Variants in PARP1 observed in about 807,000 individuals in gnomAD.
The protein encoded by PARP1 is poly [ADP-ribose] polymerase 1.
PARP1 carries 44 observed loss-of-function variants against 118.7 expected under a neutral mutation model. That is an observed-to-expected ratio of 0.37 (90% confidence interval 0.29 to 0.48). The LOEUF (loss-of-function observed/expected upper bound fraction) is 0.48, where lower values mean the gene tolerates loss of function less well. Ranked by LOEUF, PARP1 falls within the 20% of genes least tolerant of loss-of-function variation. The probability of loss-of-function intolerance (pLI) is 0.99; values close to 1 mark genes in which losing one functional copy is unlikely to be tolerated. For synonymous variants in PARP1, 492 were observed against 483.2 expected (o/e 1.02, Z -0.24); for missense variants, 1,100 against 1,272.4 (o/e 0.86, Z 2.06).
intron 8 of PARP1, among the ~76,000 whole-genome samples, chr1:226,382,037 C>T (rs1299952534): frequency 6.6e-6 from 1 of 152,176 alleles, no homozygotes; most frequent in Non-Finnish European, 1.5e-5. Flanking sequence ...GGCACCTGGA[C>T]CCAGGCTGCC....
chr1:226,401,893 G>C (rs1271072895), intron 2 of PARP1: 13 of 1,117,486 alleles, frequency 1.2e-5, no homozygotes, highest in Non-Finnish European at 1.6e-5. Context: ...GGAAGAGCCT[G>C]TGTGGTGGGA....
chr1:226,407,474 T>C (rs966630415), intron 1 of PARP1, among the ~76,000 whole-genome samples: 2 of 151,448 alleles, frequency 1.3e-5, no homozygotes, highest in East Asian at 1.9e-4. Context: ...AAAGAGACCA[T>C]GTACAATTCC....
intron 7 of PARP1, among the ~76,000 whole-genome samples, chr1:226,384,275 T>C (rs1293339973): frequency 2.6e-5 from 4 of 151,858 alleles, no homozygotes; most frequent in South Asian, 2.1e-4. Flanking sequence ...GAGAGGGGTA[T>C]GTGAGAAGGA....
chr1:226,377,642 G>A (rs1436663086), intron 12 of PARP1, among the ~76,000 whole-genome samples: 1 of 152,176 alleles, frequency 6.6e-6, no homozygotes, highest in Non-Finnish European at 1.5e-5. Flanking sequence ...CTATCTGGAA[G>A]TCATGTGTTC....
chr1:226,361,582 G>C (rs1337517249), intron 22 of PARP1, 41 bp from the exon 23 acceptor site: 1 of 1,394,390 alleles, frequency 7.2e-7, no homozygotes, highest in South Asian at 1.2e-5. Context: ...CCATACAACA[G>C]AGGGTATGTA....
chr1:226,384,365 G>A (rs78615666), intron 7 of PARP1, among the ~76,000 whole-genome samples: 5 of 152,392 alleles, frequency 3.3e-5, no homozygotes, highest in African/African-American at 1.2e-4. Flanking sequence ...CTACAGAGCT[G>A]GCCTTGATTC....
chr1:226,382,754 G>A (rs1282207798), intron 8 of PARP1, among the ~76,000 whole-genome samples: 3 of 152,194 alleles, frequency 2.0e-5, no homozygotes, highest in Non-Finnish European at 4.4e-5. Flanking sequence ...CCTGGCCTCA[G>A]CAATTCTTTT....
chr1:226,397,953 C>A (rs1187573987), intron 2 of PARP1, among the ~76,000 whole-genome samples: 3 of 150,540 alleles, frequency 2.0e-5, no homozygotes, highest in Non-Finnish European at 4.4e-5. Context: ...AACTGGACAT[C>A]CACATGCGAA....
chr1:226,395,391 A>G (rs1475575358), intron 2 of PARP1, among the ~76,000 whole-genome samples: 1 of 152,218 alleles, frequency 6.6e-6, no homozygotes, highest in East Asian at 1.9e-4. Flanking sequence ...AATACCATTC[A>G]TAATAGCCAA....
chr1:226,396,732 CA>C (rs1321381908), intron 2 of PARP1, among the ~76,000 whole-genome samples: 2 of 151,962 alleles, frequency 1.3e-5, no homozygotes, highest in African/African-American at 4.8e-5. Flanking sequence ...TATAAAATTA[CA>C]CTTAGGTCAG....
chr1:226,402,271 G>C lies in PARP1; in HGVS notation c.229C>G (p.Leu77Val). 1 of 1,614,164 alleles carries C rather than the reference G, an allele frequency of 6.2e-7. No individual in the cohort carries two copies. The highest frequency in any genetic ancestry group is 8.5e-7 in the Non-Finnish European group (1 of 1,180,044). ...PDVEVDGFSELRWDDQQKVKK... is the reference protein window; with the variant it reads ...PDVEVDGFSEVRWDDQQKVKK... ...ACTTTCTGCTGGTCATCCCACCGAAGCTCAGAGAACCCATCCACCTCAACG... is the reference window on the plus strand; with the variant it reads ...ACTTTCTGCTGGTCATCCCACCGAACCTCAGAGAACCCATCCACCTCAACG... Residue 77 changes from leucine (L) to valine (V), a missense_variant, in exon 2 of 23, where the codon CTT becomes GTT. By Grantham distance (32) the Leu-to-Val change is conservative. Coordinates refer to ENST00000366794, the MANE Select transcript of PARP1 (RefSeq NM_001618.4).
chr1:226,403,977 G>A (rs975327905), intron 1 of PARP1, among the ~76,000 whole-genome samples: 2 of 152,188 alleles, frequency 1.3e-5, no homozygotes, highest in Non-Finnish European at 2.9e-5. Context: ...TGGATGTGAT[G>A]TATTAAAATG....
At chr1:226,378,865 C>T (rs536071608) in intron 12 of PARP1, among the ~76,000 whole-genome samples, 15 of 152,042 alleles carry the variant, frequency 9.9e-5, no homozygotes, top group Non-Finnish European at 2.2e-4. Flanking sequence ...AAAACAACAA[C>T]AAAAAACAAA....
intron 21 of PARP1, 125 bp downstream of exon 21, chr1:226,362,974 G>A (rs1260626130): frequency 7.9e-6 from 6 of 758,410 alleles, no homozygotes; most frequent in Non-Finnish European, 1.4e-5. Flanking sequence ...CCCTCGAAAA[G>A]ATAAAATGAA....
chr1:226,363,134 A>G lies in PARP1; in HGVS notation c.2813T>C (p.Ile938Thr). The G allele has an allele frequency of 6.2e-7, 1 of 1,613,834 alleles. No individual in the cohort carries two copies. The highest frequency in any genetic ancestry group is 8.5e-7 in the Non-Finnish European group (1 of 1,179,706). Residue 938 changes from isoleucine (I) to threonine (T), a missense_variant, in exon 21 of 23, where the codon ATC becomes ACC. Coordinates refer to ENST00000366794, the MANE Select transcript of PARP1 (RefSeq NM_001618.4). ...GTGCTTGCCCTTGGGTAACTTGCTG[A>G]TATGTGAAGCGTGCTTCAGTTCATA... ...NMYELKHASHISKLPKGKHSV... is the reference protein window; with the variant it reads ...NMYELKHASHTSKLPKGKHSV...
At chr1:226,396,412 C>A (rs1194793587) in intron 2 of PARP1, among the ~76,000 whole-genome samples, 64 of 133,756 alleles carry the variant, frequency 4.8e-4, no homozygotes, top group African/African-American at 5.5e-4. Flanking sequence ...ATTTTGCCAC[C>A]AAAAAAAAAA....
At chr1:226,399,250 T>C (rs1664982044) in intron 2 of PARP1, among the ~76,000 whole-genome samples, 1 of 151,810 alleles carries the variant, frequency 6.6e-6, no homozygotes, top group Non-Finnish European at 1.5e-5. Flanking sequence ...TTTTGTATTT[T>C]TAATAGAGAC....
rs891855105 is a variant in PARP1 at position 226,366,003 on chromosome 1, T to C, written c.2456A>G (p.Lys819Arg). The change falls in exon 18 of 23, where the codon AAG becomes AGG. Residue 819 changes from lysine (K) to arginine (R), a missense_variant. By Grantham distance (26) the Lys-to-Arg change is conservative (BLOSUM62 2). Coordinates refer to ENST00000366794, the MANE Select transcript of PARP1 (RefSeq NM_001618.4). ...ATTGTGTGTGGTTGCATGAGTGTTC[T>C]TAACATACTTCCTGATGATCTCGGC... is the stretch of plus-strand genomic sequence containing the variant. Reference protein sequence around the residue: ...EEAEIIRKYVKNTHATTHNAY... With the variant: ...EEAEIIRKYVRNTHATTHNAY... 2 of 1,613,692 alleles carry C rather than the reference T, an allele frequency of 1.2e-6. No individual in the cohort carries two copies. Among genetic ancestry groups the C allele is most frequent in the Non-Finnish European group, 1.7e-6 (2 of 1,179,586 alleles).
chr1:226,361,856 C>A (rs567118769), intron 22 of PARP1, 113 bp downstream of exon 22: 1 of 744,974 alleles, frequency 1.3e-6, no homozygotes, highest in African/African-American at 1.7e-5. Flanking sequence ...ATGGGACACA[C>A]TACAGGACAG....
Sources: gnomAD v4.1 joint callset for allele counts (sites outside exome capture counted in the v4.1 genomes callset) on GRCh38, gnomAD v4.1.1 for gene constraint, MANE v1.5 for transcripts, NCBI Gene and HGNC (gene_info 2026-07-23, HGNC 2026-07-21) for gene names.